Variants in PTGER3 observed in about 807,000 individuals in gnomAD.
The protein encoded by PTGER3 is prostaglandin E2 receptor EP3 subtype.
Under a neutral mutation model 34.7 loss-of-function variants are expected in PTGER3, and 22 were observed. The observed-to-expected ratio is 0.63, with a 90% confidence interval of 0.45 to 0.91. The LOEUF (loss-of-function observed/expected upper bound fraction) is 0.91, where lower values mean the gene tolerates loss of function less well. PTGER3 is among the 40% of genes least tolerant of loss of function. The pLI, the probability that PTGER3 is intolerant of heterozygous loss-of-function variation, is 0.00. For synonymous variants in PTGER3, 241 were observed against 230.1 expected, an observed-to-expected ratio of 1.05 and a Z score of -0.43; for missense variants, 468 against 519.4, an observed-to-expected ratio of 0.90 and a Z score of 0.96.
intron 1 of PTGER3, among the ~76,000 whole-genome samples, chr1:71,017,154 C>A (rs1368191269): frequency 6.6e-6 from 1 of 151,918 alleles, no homozygotes; most frequent in African/African-American, 2.4e-5. Flanking sequence ...AGGAGATAAT[C>A]CTAGATTACC....
intron 2 of PTGER3, among the ~76,000 whole-genome samples, chr1:70,988,179 C>T (rs1321808786): frequency 6.6e-6 from 1 of 152,146 alleles, no homozygotes; most frequent in East Asian, 1.9e-4. Flanking sequence ...TATCATTCAG[C>T]TTCTCTTATT....
chr1:70,891,350 C>G (rs1263486928), intron 4 of PTGER3, among the ~76,000 whole-genome samples: 1 of 151,986 alleles, frequency 6.6e-6, no homozygotes, highest in African/African-American at 2.4e-5. Flanking sequence ...GTAAACACAC[C>G]CACTCACAAA....
intron 1 of PTGER3, among the ~76,000 whole-genome samples, chr1:71,021,715 C>A (rs1201442655): frequency 6.6e-6 from 1 of 151,452 alleles, no homozygotes; most frequent in African/African-American, 2.4e-5. Context: ...GTGTTCGTGA[C>A]AATTAAAAAC....
chr1:70,918,568 T>G (rs1189907641), intron 4 of PTGER3, among the ~76,000 whole-genome samples: 1 of 152,024 alleles, frequency 6.6e-6, no homozygotes, highest in African/African-American at 2.4e-5. Context: ...ATTCCGGACT[T>G]GAGTCACAGA....
chr1:70,891,571 A>T (rs1299105370), intron 4 of PTGER3, among the ~76,000 whole-genome samples: 4 of 152,216 alleles, frequency 2.6e-5, no homozygotes, highest in African/African-American at 9.6e-5. Flanking sequence ...GAGGACATCA[A>T]ATGATCTTTA....
intron 4 of PTGER3, among the ~76,000 whole-genome samples, chr1:70,908,055 T>C (rs875727): frequency 0.14 from 20,599 of 152,134 alleles, 1,830 homozygotes; most frequent in East Asian, 0.45. Context: ...AGGCTTCCAA[T>C]AGTCGGCACT....
intron 2 of PTGER3, chr1:71,009,005 T>G: frequency 3.0e-6 from 3 of 984,218 alleles, no homozygotes; most frequent in Non-Finnish European, 3.6e-6. Flanking sequence ...GTTTTCTATT[T>G]TCTTTTTCTG....
At position 71,046,750 on chromosome 1, in the gene PTGER3, G is replaced by A; in HGVS notation, c.828C>T (p.Ile276=). The part of the protein sequence containing the change: ...ASQSSAQWGR[I]TTETAIQLMG... ...TAAGCTGAATGGCCGTCTCGGTCGT[G>A]ATGCGGCCCCACTGGGCACTGGACT... Residue 276 remains isoleucine, a synonymous_variant, in exon 1 of 4, where the codon ATC becomes ATT. Coordinates refer to ENST00000306666, the MANE Select transcript of PTGER3 (RefSeq NM_198719.2). The A allele has an allele frequency of 6.2e-7, 1 of 1,612,766 alleles. No homozygotes were observed. The highest frequency in any genetic ancestry group is 8.5e-7 in the Non-Finnish European group (1 of 1,179,372).
intron 4 of PTGER3, among the ~76,000 whole-genome samples, chr1:70,876,998 AT>A (rs1646286120): frequency 6.6e-6 from 1 of 152,074 alleles, no homozygotes. Flanking sequence ...GAAGAATTTC[AT>A]TGGTAGTTTG....
intron 4 of PTGER3, among the ~76,000 whole-genome samples, chr1:70,931,899 C>A (rs932780932): frequency 6.6e-6 from 1 of 152,212 alleles, no homozygotes; most frequent in African/African-American, 2.4e-5. Flanking sequence ...CAAATTTCTG[C>A]AGCCAGCTTG....
intron 2 of PTGER3, among the ~76,000 whole-genome samples, chr1:71,002,847 T>A (rs1245905512): frequency 6.6e-6 from 1 of 152,202 alleles, no homozygotes; most frequent in Non-Finnish European, 1.5e-5. Context: ...AAACAGCTCC[T>A]CCTGGATCTC....
chr1:70,929,603 T>G (rs943213161), intron 4 of PTGER3, among the ~76,000 whole-genome samples: 2 of 152,190 alleles, frequency 1.3e-5, no homozygotes, highest in African/African-American at 4.8e-5. Flanking sequence ...ATTCATGAAC[T>G]GGAAAACAGG....
chr1:70,939,833 G>A (rs1177656021), intron 4 of PTGER3, among the ~76,000 whole-genome samples: 1 of 152,150 alleles, frequency 6.6e-6, no homozygotes, highest in Non-Finnish European at 1.5e-5. Flanking sequence ...GTGATAGGAG[G>A]GGCTGCCATG....
At chr1:70,942,061 C>T (rs1649809968) in intron 4 of PTGER3, among the ~76,000 whole-genome samples, 3 of 152,026 alleles carry the variant, frequency 2.0e-5, no homozygotes, top group Non-Finnish European at 2.9e-5. Flanking sequence ...TCCAGCCAAC[C>T]CCCTTATGTT....
chr1:71,033,744 G>A lies in PTGER3; in HGVS notation c.897+12937C>T, dbSNP rs567861578. 1.1e-4 allele frequency among the ~76,000 whole-genome samples: 17 copies of A among 151,870 alleles called. No individual in the cohort carries two copies. In the East Asian group the frequency reaches 3.1e-3, roughly 28 times the overall value. On this transcript the variant is annotated intron_variant, in intron 1 of 3. Transcript: ENST00000306666. ...CAATTTCAAGTTTCTCCAGGAAATC[G>A]TCTTAAAGACAACACATTCCTTGAG... is the stretch of plus-strand genomic sequence containing the variant.
At chr1:71,038,045 A>G (rs1342299074) in intron 1 of PTGER3, among the ~76,000 whole-genome samples, 3 of 152,338 alleles carry the variant, frequency 2.0e-5, no homozygotes, top group South Asian at 2.1e-4. Context: ...ATCAAACAGC[A>G]ATTAGTGCTC....
chr1:71,027,316 G>T (rs763035464), intron 1 of PTGER3, among the ~76,000 whole-genome samples: 20 of 151,986 alleles, frequency 1.3e-4, no homozygotes, highest in Non-Finnish European at 2.2e-4. Flanking sequence ...CACCATGCCG[G>T]GTTAATTTTT....
intron 1 of PTGER3, among the ~76,000 whole-genome samples, chr1:71,036,762 C>A (rs903415915): frequency 6.6e-6 from 1 of 151,796 alleles, no homozygotes; most frequent in African/African-American, 2.4e-5. Flanking sequence ...TGGCATGAAC[C>A]CAGGAGGCGG....
intron 4 of PTGER3, among the ~76,000 whole-genome samples, chr1:70,937,038 T>G (rs1437727996): frequency 6.6e-6 from 1 of 152,164 alleles, no homozygotes; most frequent in Non-Finnish European, 1.5e-5. Context: ...AAAATATATT[T>G]TTCCCAACTT....
Sources: allele counts gnomAD v4.1 joint callset (sites outside exome capture counted in the v4.1 genomes callset), GRCh38; gene constraint gnomAD v4.1.1; transcripts MANE v1.5; gene names NCBI Gene and HGNC (gene_info 2026-07-23, HGNC 2026-07-21).